The following MAP3K9 variants were observed in gnomAD, a reference collection of about 807,000 sequenced individuals.
The protein encoded by MAP3K9 is mitogen-activated protein kinase kinase kinase 9.
In MAP3K9, 46 loss-of-function variants were observed where a neutral mutation model predicts 95.8. The ratio of observed to expected loss-of-function variants is 0.48; its 90% confidence interval spans 0.38 to 0.61. MAP3K9 has a LOEUF of 0.61. MAP3K9 is among the 20% of genes least tolerant of loss of function. The pLI, the probability that MAP3K9 is intolerant of heterozygous loss-of-function variation, is 0.00. For synonymous variants in MAP3K9, 533 were observed against 593.8 expected (o/e 0.90, Z 1.49); for missense variants, 1,296 against 1,474.3 (o/e 0.88, Z 1.98).
At chr14:70,772,550 G>A (rs920959344) in intron 2 of MAP3K9, among the ~76,000 whole-genome samples, 4 of 152,128 alleles carry the variant, frequency 2.6e-5, no homozygotes, top group African/African-American at 9.7e-5. Flanking sequence ...AAAGGTGTCT[G>A]CTTAAATCAG....
intron 5 of MAP3K9, among the ~76,000 whole-genome samples, chr14:70,744,420 T>C (rs963343843): frequency 6.6e-6 from 1 of 152,154 alleles, no homozygotes; most frequent in Non-Finnish European, 1.5e-5. Flanking sequence ...ATGTATCCAC[T>C]GTACATAAAT....
Position 70,809,029 on chromosome 14 carries a change from A to C in MAP3K9, c.143T>G (p.Leu48Arg). Reference protein sequence around the residue: ...EAAAAVGPGELGCDAPLPYWT... With the variant: ...EAAAAVGPGERGCDAPLPYWT... ...GTAGGGCAGCGGCGCGTCGCAGCCC[A>C]GCTCCCCGGGGCCCACCGCCGCCGC... Residue 48 changes from leucine (L) to arginine (R), a missense_variant, in exon 1 of 12, where the codon CTG becomes CGG. Transcript: ENST00000554752. 1 of 1,492,440 alleles carries C rather than the reference A, an allele frequency of 6.7e-7. No individual in the cohort carries two copies. The highest frequency in any genetic ancestry group is 8.9e-7 in the Non-Finnish European group (1 of 1,126,756). 92.4% of individuals were successfully genotyped at this position (1,492,440 alleles called of 1,614,324 possible). A position where few individuals can be genotyped will look rare whatever the true frequency, so the allele number is the denominator to read the frequency against.
intron 2 of MAP3K9, among the ~76,000 whole-genome samples, chr14:70,765,267 T>C (rs755274463): frequency 5.3e-5 from 8 of 152,152 alleles, no homozygotes; most frequent in Admixed American, 3.9e-4. Context: ...GAAGCAGAGG[T>C]TGCAGTGAGC....
At chr14:70,741,291 TG>T (rs768252905) in intron 6 of MAP3K9, among the ~76,000 whole-genome samples, 1 of 152,164 alleles carries the variant, frequency 6.6e-6, no homozygotes, top group South Asian at 2.1e-4. Context: ...GGTATCTGCA[TG>T]TTGGTCAGGC....
Position 70,809,195 on chromosome 14 carries a change from G to A in MAP3K9, c.-24C>T, listed in dbSNP as rs1351975511. On this transcript the variant is annotated 5_prime_UTR_variant, in exon 1 of 12. Coordinates refer to ENST00000554752, the MANE Select transcript of MAP3K9 (RefSeq NM_001284230.2). ...ATGGAGCGGCCGATCCATAGGGTGC[G>A]GGGCCGCCGCCGCCCGCAGGAGCCG... 1 of 1,297,126 alleles carries A rather than the reference G, an allele frequency of 7.7e-7. No individual in the cohort carries two copies. The allele number at this position is 1,297,126 out of a possible 1,614,324, so 80.4% of individuals were successfully genotyped here. A position where few individuals can be genotyped will look rare whatever the true frequency, so the allele number is the denominator to read the frequency against.
At chr14:70,807,675 T>C (rs746334850) in intron 1 of MAP3K9, among the ~76,000 whole-genome samples, 6 of 152,148 alleles carry the variant, frequency 3.9e-5, no homozygotes, top group Non-Finnish European at 5.9e-5. Flanking sequence ...CAGTAATTAA[T>C]ACATATTAAC....
In MAP3K9 at chr14:70,729,915, G is replaced by T. The variant is rs530164968; in HGVS notation, c.*465C>A. 1.6e-3 allele frequency: 261 copies of T among 165,284 alleles called. No homozygotes were observed. Among genetic ancestry groups the T allele is most frequent in the Non-Finnish European group, 2.5e-3 (192 of 76,030 alleles). 10.2% of individuals were successfully genotyped at this position (165,284 alleles called of 1,614,324 possible). A position where few individuals can be genotyped will look rare whatever the true frequency, so the allele number is the denominator to read the frequency against. ...AACCAAGCCAGATTCCCATTCCTGGGTGTTGGGGGACAGCGGAGGAGGACC... is the reference window on the plus strand; with the variant it reads ...AACCAAGCCAGATTCCCATTCCTGGTTGTTGGGGGACAGCGGAGGAGGACC... On this transcript the variant is annotated 3_prime_UTR_variant, in exon 12 of 12. Coordinates refer to ENST00000554752, the MANE Select transcript of MAP3K9 (RefSeq NM_001284230.2).
At chr14:70,803,085 T>C (rs1467348587) in intron 1 of MAP3K9, among the ~76,000 whole-genome samples, 1 of 151,804 alleles carries the variant, frequency 6.6e-6, no homozygotes, top group Non-Finnish European at 1.5e-5. Flanking sequence ...TATCTGGTTT[T>C]TCTCTCTTGC....
chr14:70,737,861 T>C (rs1171759561), intron 8 of MAP3K9, among the ~76,000 whole-genome samples: 1 of 152,224 alleles, frequency 6.6e-6, no homozygotes, highest in Non-Finnish European at 1.5e-5. Context: ...TGGCAAACTA[T>C]AACTGGTGGG....
At chr14:70,792,009 A>T (rs976662980) in intron 2 of MAP3K9, among the ~76,000 whole-genome samples, 1 of 152,240 alleles carries the variant, frequency 6.6e-6, no homozygotes, top group Non-Finnish European at 1.5e-5. Flanking sequence ...ATGCAACAGG[A>T]CTTGCAAGTC....
In MAP3K9 at chr14:70,809,350, A is replaced by G; in HGVS notation, c.-179T>C. The G allele has an allele frequency of 1.3e-6, 1 of 763,754 alleles. No homozygotes were observed. The highest frequency in any genetic ancestry group is 1.8e-6 in the Non-Finnish European group (1 of 562,106). 47.3% of individuals were successfully genotyped at this position (763,754 alleles called of 1,614,324 possible). A position where few individuals can be genotyped will look rare whatever the true frequency, so the allele number is the denominator to read the frequency against. On this transcript the variant is annotated 5_prime_UTR_variant, in exon 1 of 12. Coordinates refer to ENST00000554752, the MANE Select transcript of MAP3K9 (RefSeq NM_001284230.2). ...GCCGGCGCTGTTACCGCGGTACGAG[A>G]AGAGCGCCGAGCGCGAGCTCTTCGC...
chr14:70,739,143 T>A (rs2054028807), intron 7 of MAP3K9, among the ~76,000 whole-genome samples: 1 of 152,200 alleles, frequency 6.6e-6, no homozygotes, highest in Middle Eastern at 3.2e-3. Flanking sequence ...GGATTTTTCT[T>A]TTTTGAGACG....
chr14:70,765,751 CAAAAAAAAACAAA>C (rs376126406), intron 2 of MAP3K9, among the ~76,000 whole-genome samples: 45,973 of 89,604 alleles, frequency 0.51, 7,575 homozygotes, highest in Admixed American at 0.54. Flanking sequence ...AAAAAAAAAA[CAAAAAAAAACAAA>C]AAAAAAAAAA....
intron 3 of MAP3K9, among the ~76,000 whole-genome samples, chr14:70,760,064 C>T (rs1172769453): frequency 1.3e-5 from 2 of 151,770 alleles, no homozygotes; most frequent in Non-Finnish European, 2.9e-5. Flanking sequence ...CCAACTTATA[C>T]ATTCTAAAGT....
chr14:70,791,839 G>C (rs2139844274), intron 2 of MAP3K9, among the ~76,000 whole-genome samples: 1 of 152,334 alleles, frequency 6.6e-6, no homozygotes, highest in Non-Finnish European at 1.5e-5. Flanking sequence ...GGGAGCTCCT[G>C]GAGAGGAGGG....
At chr14:70,744,040 C>T (rs984889998) in intron 5 of MAP3K9, among the ~76,000 whole-genome samples, 4 of 152,158 alleles carry the variant, frequency 2.6e-5, no homozygotes, top group African/African-American at 4.8e-5. Context: ...AGGATGAGTT[C>T]GTGTCTTTGC....
intron 2 of MAP3K9, among the ~76,000 whole-genome samples, chr14:70,773,388 C>T (rs759329335): frequency 1.2e-4 from 18 of 152,148 alleles, no homozygotes; most frequent in Non-Finnish European, 2.2e-4. Flanking sequence ...ATCCTGGCAG[C>T]ATATCAGGGA....
chr14:70,747,901 G>T (rs914887522), intron 5 of MAP3K9, among the ~76,000 whole-genome samples: 4 of 152,164 alleles, frequency 2.6e-5, no homozygotes, highest in Non-Finnish European at 5.9e-5. Context: ...GAGGTCAGGA[G>T]ATCGAGAGCA....
rs200359887 is a variant in MAP3K9, at chr14:70,732,817, C to T, written c.2552G>A (p.Arg851His). The change falls in exon 11 of 12, where the codon CGC (arginine) becomes CAC (histidine). Residue 851 changes from arginine (R) to histidine (H), a missense_variant. Physicochemically the swap from Arg to His is conservative, Grantham distance 29. This residue lies in a region of MAP3K9 where 433 missense variants were observed against 441.4 expected (regional missense o/e 0.98). Coordinates refer to ENST00000554752, the MANE Select transcript of MAP3K9 (RefSeq NM_001284230.2). ...SECNSTRSLLRSDSDEIVVYE... is the reference protein window; with the variant it reads ...SECNSTRSLLHSDSDEIVVYE... The stretch of plus-strand genomic sequence containing the variant: ...CACGACAATTTCATCGCTGTCGGAG[C>T]GCAGCAGGGAGCGTGTGGAGTTGCA... 1.8e-4 allele frequency: 297 copies of T among 1,614,004 alleles called. No individual in the cohort carries two copies. The highest frequency in any genetic ancestry group is 2.3e-4 in the Non-Finnish European group (277 of 1,179,960).
Sources: gnomAD v4.1 joint callset for allele counts (sites outside exome capture counted in the v4.1 genomes callset) on GRCh38, gnomAD v4.1.1 for gene constraint, gnomAD v4.1.1 regional missense constraint, MANE v1.5 for transcripts, NCBI Gene and HGNC (gene_info 2026-07-23, HGNC 2026-07-21) for gene names.